The following CREB5 variants were observed in gnomAD, a reference collection of about 807,000 sequenced individuals.
CREB5 encodes cAMP responsive element binding protein 5, also known as cyclic AMP-responsive element-binding protein 5.
A neutral mutation model predicts 57.1 loss-of-function variants in CREB5; 19 were observed. The ratio of observed to expected loss-of-function variants is 0.33; its 90% CI spans 0.23 to 0.49. The LOEUF is 0.49. Among genes scored for constraint, CREB5 ranks in the 20% least tolerant of loss-of-function variants. The pLI is 0.99. For synonymous variants in CREB5, 238 were observed against 238.3 expected (o/e 1.00, Z 0.01); for missense variants, 579 against 671.6 (o/e 0.86, Z 1.52).
At chr7:28,794,613 C>G (rs1034113072) in intron 7 of CREB5, among the ~76,000 whole-genome samples, 1 of 152,126 alleles carries the variant, frequency 6.6e-6, no homozygotes, top group Non-Finnish European at 1.5e-5. Context: ...AGTATGGGGA[C>G]ATTGATGGAA....
chr7:28,665,628 G>A (rs1401055290), intron 5 of CREB5, among the ~76,000 whole-genome samples: 1 of 152,084 alleles, frequency 6.6e-6, no homozygotes, highest in Non-Finnish European at 1.5e-5. Flanking sequence ...TTTTCTTTTG[G>A]TAAGAAAGAG....
At chr7:28,762,089 T>G (rs1805692264) in intron 7 of CREB5, among the ~76,000 whole-genome samples, 1 of 152,120 alleles carries the variant, frequency 6.6e-6, no homozygotes, top group South Asian at 2.1e-4. Flanking sequence ...AATGAAAGCT[T>G]TATATATTTT....
intron 1 of CREB5, among the ~76,000 whole-genome samples, chr7:28,362,878 G>A (rs1176396538): frequency 1.3e-5 from 2 of 152,176 alleles, no homozygotes; most frequent in East Asian, 1.9e-4. Flanking sequence ...TGGAAAGTGG[G>A]AATGATAATA....
chr7:28,811,829 G>C (rs1206266080), intron 9 of CREB5, among the ~76,000 whole-genome samples: 1 of 152,188 alleles, frequency 6.6e-6, no homozygotes, highest in African/African-American at 2.4e-5. Context: ...AAAAGTTCTT[G>C]TATATGTGAA....
chr7:28,304,431 A>G (rs1785151107), intron 1 of CREB5, among the ~76,000 whole-genome samples: 1 of 152,200 alleles, frequency 6.6e-6, no homozygotes, highest in Admixed American at 6.5e-5. Context: ...CTCCCTTTTC[A>G]TCTCCTCTTT....
intron 5 of CREB5, among the ~76,000 whole-genome samples, chr7:28,583,340 A>T (rs1312957547): frequency 1.3e-5 from 2 of 152,230 alleles, no homozygotes; most frequent in Non-Finnish European, 2.9e-5. Flanking sequence ...TCATCATGGA[A>T]AGTGGATGAG....
Position 28,819,960 on chromosome 7 carries a change from T to A in CREB5, c.*681T>A, listed in dbSNP as rs1809666701. The A allele has an allele frequency of 6.6e-6, 1 of 151,662 alleles. No homozygotes were observed. Among genetic ancestry groups the A allele is most frequent in the Non-Finnish European group, 1.5e-5 (1 of 67,944 alleles). The allele number at this position is 151,662 out of a possible 1,614,324, so 9.4% of individuals were successfully genotyped here. ...CTTCCTTCTGTTTTATTTTTTTCCCTTTAGCATTGCATGTGAATAAGAAAA... is the reference window on the plus strand; with the variant it reads ...CTTCCTTCTGTTTTATTTTTTTCCCATTAGCATTGCATGTGAATAAGAAAA... On this transcript the variant is annotated 3_prime_UTR_variant, in exon 11 of 11. Transcript: ENST00000357727.
In CREB5 at chr7:28,495,687, A is replaced by G. The variant is rs568939563; in HGVS notation, c.169+688A>G. Among the ~76,000 whole-genome samples, 4 of 152,350 alleles carry G rather than the reference A, an allele frequency of 2.6e-5. No individual in the cohort carries two copies. The South Asian group carries it at 8.3e-4, about 32-fold the overall frequency. ...TCAAGGATATCACAATATAGCATGC[A>G]TGTGAAAACTTAGCTAAAATAAAGG... On this transcript the variant is annotated intron_variant, in intron 3 of 10. Coordinates refer to ENST00000357727, the MANE Select transcript of CREB5 (RefSeq NM_182898.4).
intron 5 of CREB5, among the ~76,000 whole-genome samples, chr7:28,630,665 C>T (rs909126974): frequency 6.6e-6 from 1 of 152,158 alleles, no homozygotes; most frequent in Admixed American, 6.5e-5. Flanking sequence ...TGGTTTATAG[C>T]TGGGGAATTA....
intron 7 of CREB5, among the ~76,000 whole-genome samples, chr7:28,728,629 T>A (rs1026367048): frequency 6.6e-6 from 1 of 152,226 alleles, no homozygotes; most frequent in Non-Finnish European, 1.5e-5. Flanking sequence ...TGACTTTTCT[T>A]ATTTTACACG....
chr7:28,334,157 T>A (rs115849568), intron 1 of CREB5, among the ~76,000 whole-genome samples: 1 of 152,158 alleles, frequency 6.6e-6, no homozygotes, highest in African/African-American at 2.4e-5. Context: ...GAGCAGCTTT[T>A]TTTGTTTGAT....
intron 5 of CREB5, among the ~76,000 whole-genome samples, chr7:28,658,331 T>C (rs1799417825): frequency 6.6e-6 from 1 of 152,170 alleles, no homozygotes. Flanking sequence ...AGAAACAGAA[T>C]TGTGGCCAAA....
intron 1 of CREB5, among the ~76,000 whole-genome samples, chr7:28,428,856 G>A (rs1249168982): frequency 1.3e-5 from 2 of 152,046 alleles, no homozygotes; most frequent in Non-Finnish European, 2.9e-5. Flanking sequence ...GGGATATCAG[G>A]TCCTCACAGG....
At chr7:28,679,342 C>T (rs2128723355) in intron 5 of CREB5, among the ~76,000 whole-genome samples, 1 of 152,212 alleles carries the variant, frequency 6.6e-6, no homozygotes, top group African/African-American at 2.4e-5. Context: ...TTCTGGCAGC[C>T]CCAAGTTTTC....
At chr7:28,808,931 T>C (rs758734410) in intron 8 of CREB5, among the ~76,000 whole-genome samples, 4 of 152,094 alleles carry the variant, frequency 2.6e-5, no homozygotes, top group Non-Finnish European at 5.9e-5. Flanking sequence ...CAGGGAAAAA[T>C]CCATCTGACT....
rs1009575305 is a variant in CREB5, at chr7:28,724,260, G to A, written c.630G>A (p.Gly210=). The A allele has an allele frequency of 6.2e-7, 1 of 1,613,608 alleles. No homozygotes were observed. Among genetic ancestry groups the A allele is most frequent in the Admixed American group, 1.7e-5 (1 of 59,992 alleles). The change falls in exon 7 of 11, where the codon GGG becomes GGA. Residue 210 remains glycine, a synonymous_variant. Coordinates refer to ENST00000357727, the MANE Select transcript of CREB5 (RefSeq NM_182898.4). ...TGTCAGTGAACTCCAGCATCATGGG[G>A]ATGCAAGGTCCAAATCTCAGCAACC... The part of the protein sequence containing the change: ...RQMSVNSSIM[G]MQGPNLSNPC...
chr7:28,588,546 T>C (rs1431090160), intron 5 of CREB5, among the ~76,000 whole-genome samples: 2 of 152,242 alleles, frequency 1.3e-5, no homozygotes, highest in East Asian at 3.8e-4. Flanking sequence ...GTAAGATAAG[T>C]AGTTGCAAAA....
At chr7:28,362,838 T>G (rs1786514518) in intron 1 of CREB5, among the ~76,000 whole-genome samples, 2 of 152,222 alleles carry the variant, frequency 1.3e-5, no homozygotes, top group South Asian at 4.1e-4. Context: ...GGTTAAAAGT[T>G]TGACACCCCT....
At chr7:28,493,845 T>C (rs1791908039) in intron 2 of CREB5, among the ~76,000 whole-genome samples, 1 of 152,168 alleles carries the variant, frequency 6.6e-6, no homozygotes, top group South Asian at 2.1e-4. Context: ...GAACATAGAA[T>C]ACTAAAAATA....
Sources: gnomAD v4.1 joint callset for allele counts (sites outside exome capture counted in the v4.1 genomes callset) on GRCh38, gnomAD v4.1.1 for gene constraint, MANE v1.5 for transcripts, NCBI Gene and HGNC (gene_info 2026-07-23, HGNC 2026-07-21) for gene names.